Variants in CSTPP1 observed in about 807,000 individuals in gnomAD.
The protein encoded by CSTPP1 is centriolar satellite-associated tubulin polyglutamylase complex regulator 1, also known as UPF0705 protein C11orf49.
the CSTPP1 span, chr11:47,103,670 CTTTTTTTTT>C: frequency 2.0e-5 from 1 of 49,594 alleles, no homozygotes; most frequent in African/African-American, 6.2e-5. Context: ...ATAGAATGGC[CTTTTTTTTT>C]TTTTTTTTTT....
At chr11:47,104,790 C>T in the CSTPP1 span, among the ~76,000 whole-genome samples, 4 of 152,108 alleles carry the variant, frequency 2.6e-5, no homozygotes, top group African/African-American at 4.8e-5. Context: ...TTAGATCCAG[C>T]GTGTTGAAAT....
At chr11:46,945,625 T>C in the CSTPP1 span, among the ~76,000 whole-genome samples, 60 of 151,920 alleles carry the variant, frequency 3.9e-4, 1 homozygote, top group South Asian at 0.012. Flanking sequence ...AAAATAATAA[T>C]AATAAATAAA....
the CSTPP1 span, among the ~76,000 whole-genome samples, chr11:47,020,529 C>A: frequency 6.6e-6 from 1 of 152,014 alleles, no homozygotes; most frequent in Non-Finnish European, 1.5e-5. Context: ...CAAGCTAACC[C>A]ATTTATTGCA....
At chr11:46,964,415 A>G in the CSTPP1 span, among the ~76,000 whole-genome samples, 2 of 151,972 alleles carry the variant, frequency 1.3e-5, no homozygotes, top group Non-Finnish European at 2.9e-5. Context: ...CCTCCCGAGT[A>G]GCTGGGACTA....
the CSTPP1 span, among the ~76,000 whole-genome samples, chr11:47,057,125 T>C: frequency 1.3e-5 from 2 of 152,236 alleles, no homozygotes; most frequent in Admixed American, 6.5e-5. Context: ...GATAATCTCA[T>C]GAAGACTGTA....
chr11:47,028,402 C>A, the CSTPP1 span, among the ~76,000 whole-genome samples: 1 of 152,156 alleles, frequency 6.6e-6, no homozygotes, highest in Non-Finnish European at 1.5e-5. Context: ...TTCCTGTAGT[C>A]AGCATGTTGT....
the CSTPP1 span, among the ~76,000 whole-genome samples, chr11:47,072,686 T>C: frequency 5.9e-5 from 9 of 151,530 alleles, no homozygotes; most frequent in South Asian, 2.1e-4. Flanking sequence ...TATATATATA[T>C]ACACACACAC....
chr11:47,122,091 A>AAAAAAAAAAT, the CSTPP1 span, among the ~76,000 whole-genome samples: 20 of 31,838 alleles, frequency 6.3e-4, no homozygotes, highest in South Asian at 1.9e-3. Flanking sequence ...AAAAAAAAAA[A>AAAAAAAAAAT]ATATATATAT....
chr11:47,162,288 A>G, the CSTPP1 span: 5 of 983,454 alleles, frequency 5.1e-6, no homozygotes, highest in Non-Finnish European at 6.0e-6. Flanking sequence ...GAGAAGGGAG[A>G]GGGGGAGTTT....
the CSTPP1 span, among the ~76,000 whole-genome samples, chr11:47,136,671 A>G: frequency 3.9e-5 from 6 of 152,084 alleles, no homozygotes; most frequent in Admixed American, 3.9e-4. Flanking sequence ...CATCATCTTC[A>G]TTCCCCAAAT....
the CSTPP1 span, among the ~76,000 whole-genome samples, chr11:47,087,178 A>G: frequency 6.6e-6 from 1 of 152,198 alleles, no homozygotes; most frequent in East Asian, 1.9e-4. Context: ...CATTATTTGC[A>G]TAAGAGCATT....
the CSTPP1 span, among the ~76,000 whole-genome samples, chr11:46,970,733 G>A: frequency 1.1e-3 from 168 of 152,106 alleles, no homozygotes; most frequent in African/African-American, 3.8e-3. Context: ...GATGAATAAA[G>A]CTTAATATGA....
the CSTPP1 span, among the ~76,000 whole-genome samples, chr11:46,973,388 A>G: frequency 6.6e-6 from 1 of 152,120 alleles, no homozygotes; most frequent in Admixed American, 6.5e-5. Context: ...CAACAGAGAA[A>G]CCTAAAATAC....
chr11:47,050,094 G>A, the CSTPP1 span, among the ~76,000 whole-genome samples: 3 of 152,022 alleles, frequency 2.0e-5, no homozygotes, highest in Non-Finnish European at 1.5e-5. Context: ...ACCTAGAAGG[G>A]TTATTAAAGG....
the CSTPP1 span, among the ~76,000 whole-genome samples, chr11:47,118,516 TGGA>T: frequency 6.6e-6 from 1 of 152,214 alleles, no homozygotes; most frequent in Non-Finnish European, 1.5e-5. Context: ...TGCGATCCTT[TGGA>T]GGAGAAGAGG....
At chr11:47,076,607 G>A in the CSTPP1 span, among the ~76,000 whole-genome samples, 37 of 152,190 alleles carry the variant, frequency 2.4e-4, no homozygotes, top group African/African-American at 7.9e-4. Flanking sequence ...TTGGGAGGCC[G>A]AGGAGGGCAG....
chr11:47,140,822 C>T, the CSTPP1 span, among the ~76,000 whole-genome samples: 3 of 151,404 alleles, frequency 2.0e-5, no homozygotes, highest in East Asian at 2.0e-4. Context: ...AACTTAAGGC[C>T]GGGCACGGTG....
chr11:47,034,654 C>T, the CSTPP1 span, among the ~76,000 whole-genome samples: 23 of 152,160 alleles, frequency 1.5e-4, no homozygotes, highest in Middle Eastern at 6.8e-3. Flanking sequence ...GCTTGTGCCA[C>T]CACAGTCGGC....
the CSTPP1 span, among the ~76,000 whole-genome samples, chr11:46,998,821 C>T: frequency 6.6e-6 from 1 of 152,048 alleles, no homozygotes; most frequent in South Asian, 2.1e-4. Flanking sequence ...CCGCAAGCTC[C>T]GCCTCTCAGG....
Sources: gnomAD v4.1 joint callset for allele counts (sites outside exome capture counted in the v4.1 genomes callset) on GRCh38, gnomAD v4.1.1 for gene constraint, MANE v1.5 for transcripts, NCBI Gene and HGNC (gene_info 2026-07-23, HGNC 2026-07-21) for gene names.